ALDH5A1: variants seen among roughly 807,000 people sequenced by gnomAD.
ALDH5A1 encodes the protein aldehyde dehydrogenase 5 family member A1, also known as succinate-semialdehyde dehydrogenase, mitochondrial.
A neutral mutation model predicts 54.7 loss-of-function variants in ALDH5A1; 33 were observed. The ratio of observed to expected loss-of-function variants is 0.60; its 90% CI spans 0.46 to 0.81. The LOEUF (loss-of-function observed/expected upper bound fraction) is 0.81, where lower values mean the gene tolerates loss of function less well. ALDH5A1 is among the 30% of genes least tolerant of loss of function. The probability of loss-of-function intolerance (pLI) is 0.00; values close to 1 mark genes in which losing one functional copy is unlikely to be tolerated. For missense variants in ALDH5A1, 657 were observed against 711.0 expected, an observed-to-expected ratio of 0.92 and a Z score of 0.86; for synonymous variants, 294 against 292.7, an observed-to-expected ratio of 1.00 and a Z score of -0.05.
In ALDH5A1 at chr6:24,495,177, A is replaced by G. The variant is rs1764667558; in HGVS notation, c.181A>G (p.Thr61Ala). ...GGGCCTCTCTGCGGCGCTGCTGCGC[A>G]CCGACAGCTTCGTGGGCGGCCGCTG... ...LAGLSAALLRTDSFVGGRWLP... is the reference protein window; with the variant it reads ...LAGLSAALLRADSFVGGRWLP... The change falls in exon 1 of 10, where the codon ACC (threonine) becomes GCC (alanine). Residue 61 changes from threonine (T) to alanine (A), a missense_variant. Transcript: ENST00000357578. The G allele has an allele frequency of 2.7e-6, 4 of 1,498,986 alleles. No homozygotes were observed. The highest frequency in any genetic ancestry group is 3.5e-6 in the Non-Finnish European group (4 of 1,131,738). The allele number at this position is 1,498,986 out of a possible 1,614,324, so 92.9% of individuals were successfully genotyped here.
Position 24,526,953 on chromosome 6 carries a change from A to AAT in ALDH5A1, c.1174-1033_1174-1032dup, listed in dbSNP as rs1286713191. Among the ~76,000 whole-genome samples, 9 of 106,032 alleles carry AAT rather than the reference A, an allele frequency of 8.5e-5. 1 individual carries two copies. Among genetic ancestry groups the AAT allele is most frequent in the African/African-American group, 3.7e-4 (7 of 18,898 alleles). 69.6% of individuals were successfully genotyped at this position (106,032 alleles called of 152,430 possible). A position where few individuals can be genotyped will look rare whatever the true frequency, so the allele number is the denominator to read the frequency against. ...TACTATATATTCTATATATATATCT[A>AAT]ATATATATATATGTGTGTGTGTATA... is the stretch of plus-strand genomic sequence containing the variant. On this transcript the variant is annotated intron_variant, in intron 7 of 9. Coordinates refer to ENST00000357578, the MANE Select transcript of ALDH5A1 (RefSeq NM_001080.3).
intron 9 of ALDH5A1, among the ~76,000 whole-genome samples, chr6:24,532,849 A>C (rs1454900498): frequency 6.6e-6 from 1 of 152,140 alleles, no homozygotes; most frequent in Non-Finnish European, 1.5e-5. Flanking sequence ...AGTTATCGTA[A>C]AGCTGGAGTA....
At position 24,515,318 on chromosome 6, in the gene ALDH5A1, A is replaced by T. The variant is rs377488045; in HGVS notation, c.870+8A>T. ...TCAACAACTACAGGAAAGGTATGTG[A>T]CTCAAGTTTCAAAGAAAACAAATGT... is the stretch of plus-strand genomic sequence containing the variant. On this transcript the variant is annotated splice_region_variant and intron_variant, in intron 5 of 9. Transcript: ENST00000357578. 2 of 1,613,244 alleles carry T rather than the reference A, an allele frequency of 1.2e-6. No homozygotes were observed. The highest frequency in any genetic ancestry group is 2.7e-5 in the African/African-American group (2 of 74,814).
chr6:24,520,588 T>C (rs764884692), intron 6 of ALDH5A1, 44 bp downstream of exon 6: 21 of 1,608,150 alleles, frequency 1.3e-5, no homozygotes, highest in South Asian at 8.8e-5. Context: ...TGCGTGTGCA[T>C]GTGTGAGTGT....
In ALDH5A1 at chr6:24,509,804, A is replaced by T. The variant is rs1461510161; in HGVS notation, c.726+4819A>T. Among the ~76,000 whole-genome samples the T allele has an allele frequency of 6.6e-6, 1 of 151,858 alleles. No homozygotes were observed. The highest frequency in any genetic ancestry group is 1.5e-5 in the Non-Finnish European group (1 of 67,978). On this transcript the variant is annotated intron_variant, in intron 4 of 9. Transcript: ENST00000357578. The surrounding 1 kb of genome is among the most constrained non-coding windows in gnomAD (Gnocchi z 4.7). ...ATTTTTGTTTATTTCTATTTCATTT[A>T]GTTCTGCTCTGATCTTGGTTATTTC...
At chr6:24,527,341 A>G (rs1172165669) in intron 7 of ALDH5A1, among the ~76,000 whole-genome samples, 4 of 152,130 alleles carry the variant, frequency 2.6e-5, no homozygotes, top group African/African-American at 9.7e-5. Flanking sequence ...TGGGAGGCCA[A>G]GGCGGGTGAA....
chr6:24,500,603 C>T (rs1488883092), intron 1 of ALDH5A1, among the ~76,000 whole-genome samples: 2 of 151,448 alleles, frequency 1.3e-5, no homozygotes, highest in Non-Finnish European at 2.9e-5. Context: ...GCTATGATTG[C>T]GCCACTGCAC....
Position 24,509,587 on chromosome 6 carries a change from C to T in ALDH5A1, c.726+4602C>T, listed in dbSNP as rs6931138. 6.6e-5 allele frequency among the ~76,000 whole-genome samples: 10 copies of T among 151,884 alleles called. No individual in the cohort carries two copies. Among genetic ancestry groups the T allele is most frequent in the African/African-American group, 9.7e-5 (4 of 41,306 alleles). ...TTCCAGGAATTTATCCATCTCCTCT[C>T]GGTTTTCTAGTTTATGTGTGTAAAG... On this transcript the variant is annotated intron_variant, in intron 4 of 9. Coordinates refer to ENST00000357578, the MANE Select transcript of ALDH5A1 (RefSeq NM_001080.3). The surrounding 1 kb of genome is among the most constrained non-coding windows in gnomAD (Gnocchi z 4.7).
rs141937761 is a variant in ALDH5A1, at chr6:24,512,879, G to A, written c.727-2288G>A. Among the ~76,000 whole-genome samples, 1,079 of 152,040 alleles carry A rather than the reference G, an allele frequency of 7.1e-3. 5 individuals carry two copies. The highest frequency in any genetic ancestry group is 0.01 in the Middle Eastern group (3 of 294). Reference sequence around the variant, plus strand: ...TATTTTTTGCATTTTTAGTAGAGACGGGGTTTTGCCATGTTGGCCAGGCTG... The same window carrying A: ...TATTTTTTGCATTTTTAGTAGAGACAGGGTTTTGCCATGTTGGCCAGGCTG... On this transcript the variant is annotated intron_variant, in intron 4 of 9. Coordinates refer to ENST00000357578, the MANE Select transcript of ALDH5A1 (RefSeq NM_001080.3).
chr6:24,522,859 C>A lies in ALDH5A1; in HGVS notation c.1107C>A (p.Arg369=), dbSNP rs148188703. ...AFAEAMKKNL[R]VGNGFEEGTT... Reference sequence around the variant, plus strand: ...CCGAGGCCATGAAGAAGAACCTGCGCGTAGGTAATGGATTTGAGGAAGGAA... The same window carrying A: ...CCGAGGCCATGAAGAAGAACCTGCGAGTAGGTAATGGATTTGAGGAAGGAA... Residue 369 remains arginine (R), a synonymous_variant, in exon 7 of 10, where the codon CGC becomes CGA. Transcript: ENST00000357578. The A allele has an allele frequency of 1.2e-6, 2 of 1,613,802 alleles. No homozygotes were observed. Among genetic ancestry groups the A allele is most frequent in the Non-Finnish European group, 1.7e-6 (2 of 1,179,962 alleles).
rs991033866 is a variant in ALDH5A1, at chr6:24,534,336, C to G, written c.*624C>G. 6.5e-6 allele frequency: 1 copy of G among 152,854 alleles called. No individual in the cohort carries two copies. The highest frequency in any genetic ancestry group is 1.9e-4 in the East Asian group (1 of 5,210). 9.5% of individuals were successfully genotyped at this position (152,854 alleles called of 1,614,324 possible). On this transcript the variant is annotated 3_prime_UTR_variant, in exon 10 of 10. Coordinates refer to ENST00000357578, the MANE Select transcript of ALDH5A1 (RefSeq NM_001080.3). ...TTCCTGAACCATATTTTAATTGATGCCTTTATTGTCCCAAATTTACCACTT... is the reference window on the plus strand; with the variant it reads ...TTCCTGAACCATATTTTAATTGATGGCTTTATTGTCCCAAATTTACCACTT...
chr6:24,513,466 A>G (rs1759500526), intron 4 of ALDH5A1, among the ~76,000 whole-genome samples: 1 of 152,178 alleles, frequency 6.6e-6, no homozygotes, highest in Non-Finnish European at 1.5e-5. Flanking sequence ...AAGAAGGCCC[A>G]GTTAGGAATA....
At chr6:24,511,905 C>G in intron 4 of ALDH5A1, 1 of 582,144 alleles carries the variant, frequency 1.7e-6, no homozygotes, top group Non-Finnish European at 3.1e-6. Flanking sequence ...GTTAAAGAAT[C>G]TTGTTTTTTC....
chr6:24,497,001 T>C (rs1456066674), intron 1 of ALDH5A1, among the ~76,000 whole-genome samples: 1 of 152,172 alleles, frequency 6.6e-6, no homozygotes, highest in African/African-American at 2.4e-5. Context: ...TGTCCGGAGT[T>C]GGTTCCTGCC....
intron 7 of ALDH5A1, among the ~76,000 whole-genome samples, chr6:24,524,527 C>T (rs981092797): frequency 6.6e-6 from 1 of 152,202 alleles, no homozygotes; most frequent in Non-Finnish European, 1.5e-5. Flanking sequence ...GACTCCATGG[C>T]TGCCTCCACC....
At position 24,505,573 on chromosome 6, in the gene ALDH5A1, T is replaced by A. The variant is rs139715170; in HGVS notation, c.726+588T>A. On this transcript the variant is annotated intron_variant, in intron 4 of 9. Transcript: ENST00000357578. The stretch of plus-strand genomic sequence containing the variant: ...CCACTCAAACTTTATACTTTCCCTC[T>A]GTCTGGAGCAGTCTCCCCCAGATAC... Among the ~76,000 whole-genome samples, 533 of 152,280 alleles carry A rather than the reference T, an allele frequency of 3.5e-3. 2 individuals are homozygous for A. Among genetic ancestry groups the A allele is most frequent in the Non-Finnish European group, 6.2e-3 (425 of 68,028 alleles).
chr6:24,507,810 T>TG (rs1160809715), intron 4 of ALDH5A1, among the ~76,000 whole-genome samples: 1 of 152,200 alleles, frequency 6.6e-6, no homozygotes, highest in African/African-American at 2.4e-5. Context: ...CATAGGTTAT[T>TG]GGGGAACAGG....
intron 6 of ALDH5A1, among the ~76,000 whole-genome samples, chr6:24,522,090 C>T (rs1479072910): frequency 6.6e-6 from 1 of 152,074 alleles, no homozygotes; most frequent in Non-Finnish European, 1.5e-5. Flanking sequence ...AGGTGATCCA[C>T]CCACCTCAGC....
intron 1 of ALDH5A1, among the ~76,000 whole-genome samples, chr6:24,499,899 T>G (rs907308250): frequency 7.2e-5 from 11 of 152,120 alleles, no homozygotes; most frequent in Non-Finnish European, 1.5e-4. Flanking sequence ...GACCTCATGA[T>G]CCGCCCGCCT....
Sources: gnomAD v4.1 joint callset for allele counts (sites outside exome capture counted in the v4.1 genomes callset) on GRCh38, gnomAD v4.1.1 for gene constraint, Gnocchi (gnomAD v3.1) non-coding constraint, MANE v1.5 for transcripts, NCBI Gene and HGNC (gene_info 2026-07-23, HGNC 2026-07-21) for gene names.